AKR1C3: variants seen among roughly 807,000 people sequenced by gnomAD.
AKR1C3 encodes the protein 3-alpha hydroxysteroid dehydrogenase, type II.
A neutral mutation model predicts 43.6 loss-of-function variants in AKR1C3; 48 were observed. The ratio of observed to expected loss-of-function variants is 1.10; its 90% CI spans 0.87 to 1.40. The LOEUF (loss-of-function observed/expected upper bound fraction) is 1.40. AKR1C3 is among the 40% of genes most tolerant of loss of function. The probability of loss-of-function intolerance (pLI) is 0.00; values close to 1 mark genes in which losing one functional copy is unlikely to be tolerated. For synonymous variants in AKR1C3, 162 were observed against 139.6 expected, an observed-to-expected ratio of 1.16 and a Z score of -1.13; for missense variants, 482 against 391.2, an observed-to-expected ratio of 1.23 and a Z score of -1.96.
rs1554785303 is a variant in AKR1C3, at chr10:5,097,456, C to A, written c.275C>A (p.Pro92Gln). The change falls in exon 3 of 9, where the codon CCA becomes CAA. Residue 92 changes from proline to glutamine, a missense_variant. Pro to Gln is a moderately conservative substitution (Grantham distance 76, BLOSUM62 -1). Transcript: ENST00000380554. Reference protein sequence around the residue: ...TSKLWSTFHRPELVRPALENS... With the variant: ...TSKLWSTFHRQELVRPALENS... Reference sequence around the variant, plus strand: ...CAGCTTTGGTCCACTTTTCATCGACCAGAGTTGGTCCGACCAGCCTTGGAA... The same window carrying A: ...CAGCTTTGGTCCACTTTTCATCGACAAGAGTTGGTCCGACCAGCCTTGGAA... 6.2e-7 allele frequency: 1 copy of A among 1,613,660 alleles called. No individual in the cohort carries two copies. Among genetic ancestry groups the A allele is most frequent in the Non-Finnish European group, 8.5e-7 (1 of 1,179,742 alleles).
intron 8 of AKR1C3, 22 bp downstream of exon 8, chr10:5,105,699 G>GAAAC (rs1554787090): frequency 2.5e-6 from 4 of 1,577,104 alleles, no homozygotes; most frequent in African/African-American, 2.7e-5. Context: ...TTGTAAATGG[G>GAAAC]TGATCTAATT....
At chr10:5,098,922 G>C in intron 4 of AKR1C3, 43 bp downstream of exon 4, 2 of 1,493,062 alleles carry the variant, frequency 1.3e-6, no homozygotes, top group Non-Finnish European at 1.8e-6. Context: ...ATGACAAAAA[G>C]AGAAAATCTG....
intron 1 of AKR1C3, among the ~76,000 whole-genome samples, chr10:5,078,152 G>C (rs558578606): frequency 6.6e-6 from 1 of 152,284 alleles, no homozygotes; most frequent in African/African-American, 2.4e-5. Context: ...AGTCAGGTGC[G>C]GTGGCTCATG....
At chr10:5,095,533 T>C (rs1464993080) in intron 1 of AKR1C3, among the ~76,000 whole-genome samples, 1 of 151,478 alleles carries the variant, frequency 6.6e-6, no homozygotes, top group Admixed American at 6.6e-5. Context: ...GACCGTTATC[T>C]AGTTCCTTGT....
chr10:5,105,731 G>C (rs1238914262), intron 8 of AKR1C3, 54 bp downstream of exon 8: 17 of 1,426,914 alleles, frequency 1.2e-5, no homozygotes, highest in South Asian at 1.1e-4. Context: ...AAGGAATGTA[G>C]GATGGGTGTT....
At chr10:5,092,011 T>G (rs1440068222), upstream of AKR1C3, among the ~76,000 whole-genome samples, 3 of 152,106 alleles carry the variant, frequency 2.0e-5, no homozygotes, top group Admixed American at 6.6e-5. Context: ...GCAGCTTTTA[T>G]CTCACATTGT....
intron 1 of AKR1C3, among the ~76,000 whole-genome samples, chr10:5,055,172 G>A (rs530370346): frequency 7.9e-5 from 12 of 152,326 alleles, no homozygotes; most frequent in African/African-American, 2.6e-4. Context: ...CATCTCTGTG[G>A]CATAACCTGT....
At chr10:5,100,557 C>T (rs901566222) in intron 5 of AKR1C3, among the ~76,000 whole-genome samples, 1 of 152,150 alleles carries the variant, frequency 6.6e-6, no homozygotes, top group Non-Finnish European at 1.5e-5. Context: ...AATTGACTTC[C>T]CCCAAATGTC....
chr10:5,075,992 G>C (rs577230583), intron 1 of AKR1C3, among the ~76,000 whole-genome samples: 15 of 152,120 alleles, frequency 9.9e-5, no homozygotes, highest in Non-Finnish European at 2.1e-4. Context: ...AGCTGCACTG[G>C]TTTCTGAGCT....
intron 3 of AKR1C3, chr10:5,098,014 G>A (rs1839253501): frequency 9.9e-7 from 1 of 1,005,520 alleles, no homozygotes; most frequent in Admixed American, 5.8e-5. Context: ...ATGTGGACTT[G>A]CAAAGCTTTA....
At chr10:5,105,542 G>T (rs1839478281) in intron 7 of AKR1C3, 53 bp from the exon 8 acceptor site, 2 of 1,331,278 alleles carry the variant, frequency 1.5e-6, no homozygotes, top group African/African-American at 2.9e-5. Flanking sequence ...TAATATACTT[G>T]GGGATTCACA....
chr10:5,088,336 T>C lies in AKR1C3; in HGVS notation c.85-8074T>C, dbSNP rs115535386. ...GTTCTGTAAATGATTATGATGTCCATTTGGTTCATATTCCAGCTTAAGTCC... is the reference window on the plus strand; with the variant it reads ...GTTCTGTAAATGATTATGATGTCCACTTGGTTCATATTCCAGCTTAAGTCC... On this transcript the variant is annotated intron_variant, in intron 1 of 8. Coordinates refer to the AKR1C3 transcript ENST00000439082. Among the ~76,000 whole-genome samples, 949 of 152,226 alleles carry C rather than the reference T, an allele frequency of 6.2e-3. 9 individuals are homozygous for C. Among genetic ancestry groups the C allele is most frequent in the African/African-American group, 0.022 (912 of 41,540 alleles).
At chr10:5,050,865 G>C (rs1490189625) in intron 1 of AKR1C3, among the ~76,000 whole-genome samples, 1 of 152,154 alleles carries the variant, frequency 6.6e-6, no homozygotes, top group Non-Finnish European at 1.5e-5. Context: ...GCAGGCACTA[G>C]GTAATAAATA....
At chr10:5,071,190 T>C (rs1431300526) in intron 1 of AKR1C3, among the ~76,000 whole-genome samples, 1 of 152,272 alleles carries the variant, frequency 6.6e-6, no homozygotes, top group East Asian at 1.9e-4. Flanking sequence ...ATTTGGCTAA[T>C]GGCTCCAGAG....
rs1839036750 is a variant in AKR1C3, at chr10:5,089,344, C to G, written c.85-7066C>G. Among the ~76,000 whole-genome samples, 4 of 151,012 alleles carry G rather than the reference C, an allele frequency of 2.6e-5. No individual in the cohort carries two copies. The South Asian group carries it at 8.3e-4, about 31-fold the overall frequency. ...TATTTCTTCTACTATGTTTTTCAAACTTCTTACTTCTCTTCATCTTCCTTA... is the reference window on the plus strand; with the variant it reads ...TATTTCTTCTACTATGTTTTTCAAAGTTCTTACTTCTCTTCATCTTCCTTA... On this transcript the variant is annotated intron_variant, in intron 1 of 8. Transcript: ENST00000439082.
In AKR1C3 at chr10:5,097,511, T is replaced by C. The variant is rs1554785334; in HGVS notation, c.330T>C (p.Tyr110=). ...CACTGAAGAAAGCTCAATTGGACTATGTTGACCTCTATCTTATTCATTCTC... is the reference window on the plus strand; with the variant it reads ...CACTGAAGAAAGCTCAATTGGACTACGTTGACCTCTATCTTATTCATTCTC... ...ENSLKKAQLD[Y]VDLYLIHSPM... is the part of the protein sequence containing the mutation. The change falls in exon 3 of 9, where the codon TAT becomes TAC. Residue 110 remains tyrosine (Y), a synonymous_variant. Coordinates refer to ENST00000380554, the MANE Select transcript of AKR1C3 (RefSeq NM_003739.6). 1.2e-6 allele frequency: 2 copies of C among 1,613,722 alleles called. No homozygotes were observed. Among genetic ancestry groups the C allele is most frequent in the African/African-American group, 1.3e-5 (1 of 74,908 alleles).
At chr10:5,071,809 C>A (rs1182321426) in intron 1 of AKR1C3, among the ~76,000 whole-genome samples, 1 of 152,208 alleles carries the variant, frequency 6.6e-6, no homozygotes, top group Non-Finnish European at 1.5e-5. Context: ...AATCACATGG[C>A]CCAAGCAGCC....
intron 1 of AKR1C3, among the ~76,000 whole-genome samples, chr10:5,082,767 C>G (rs909741410): frequency 6.6e-6 from 1 of 151,982 alleles, no homozygotes; most frequent in South Asian, 2.1e-4. Flanking sequence ...TTTTTCTGTT[C>G]TGTTTTTGCC....
At chr10:5,082,928 T>G (rs1554782541) in intron 1 of AKR1C3, among the ~76,000 whole-genome samples, 20 of 152,196 alleles carry the variant, frequency 1.3e-4, no homozygotes, top group Non-Finnish European at 1.5e-5. Flanking sequence ...TCCCACGCTA[T>G]TTTTCACTAG....
Sources: allele counts gnomAD v4.1 joint callset (sites outside exome capture counted in the v4.1 genomes callset), GRCh38; gene constraint gnomAD v4.1.1; transcripts MANE v1.5; gene names NCBI Gene and HGNC (gene_info 2026-07-23, HGNC 2026-07-21).